Variants in MED16 observed in about 807,000 individuals in gnomAD.
MED16 encodes mediator complex subunit 16, also known as mediator of RNA polymerase II transcription subunit 16.
MED16 carries 81 observed loss-of-function variants against 84.4 expected under a neutral mutation model. The observed-to-expected ratio is 0.96, with a 90% CI of 0.80 to 1.15. The LOEUF is 1.15. MED16 is among the 50% of genes most tolerant of loss of function. The probability of loss-of-function intolerance (pLI) is 0.00; values close to 1 mark genes in which losing one functional copy is unlikely to be tolerated. For synonymous variants in MED16, 897 were observed against 552.2 expected, an observed-to-expected ratio of 1.62 and a Z score of -8.76; for missense variants, 1,585 against 1,245.9, an observed-to-expected ratio of 1.27 and a Z score of -4.10.
rs141978012 is a variant in MED16 at position 871,991 on chromosome 19, G to A, written c.2033C>T (p.Ala678Val). 3.1e-6 allele frequency: 5 copies of A among 1,609,282 alleles called. No individual in the cohort carries two copies. Among genetic ancestry groups the A allele is most frequent in the Non-Finnish European group, 4.2e-6 (5 of 1,178,354 alleles). The change falls in exon 12 of 16, where the codon GCC becomes GTC. Residue 678 changes from alanine (A) to valine (V), a missense_variant. Transcript: ENST00000325464. ...LKPSCLPVYT[A>V]TSDTQDSMSL... ...CATGCTGTCCTGGGTATCCGAGGTGGCCGTATACACGGGCAGGCAGCTGGG... is the reference window on the plus strand; with the variant it reads ...CATGCTGTCCTGGGTATCCGAGGTGACCGTATACACGGGCAGGCAGCTGGG...
chr19:891,160 G>A lies in MED16; in HGVS notation c.-18-11C>T, dbSNP rs754244204. Reference sequence around the variant, plus strand: ...GGCAGTCACCAGCTCCTGCGGGAGGGAGGTGTGGTGGGACGTCTATGTTGG... The same window carrying A: ...GGCAGTCACCAGCTCCTGCGGGAGGAAGGTGTGGTGGGACGTCTATGTTGG... On this transcript the variant is annotated splice_polypyrimidine_tract_variant and intron_variant, in intron 1 of 15. Transcript: ENST00000325464. 4.4e-6 allele frequency: 7 copies of A among 1,598,486 alleles called. No homozygotes were observed. The South Asian group carries it at 5.6e-5, about 13-fold the overall frequency.
rs759500855 is a variant in MED16, at chr19:875,452, G to A, written c.1563C>T (p.Val521=). ...TCATGGCCAGGATCCGGGTGGAGAG[G>A]ACCTGAGGGCAGGAAGCCAGGTCAC... ...YTRQTAALQQ[V]LSTRILAMKA... Residue 521 remains valine (V), a splice_region_variant and synonymous_variant, in exon 10 of 16, where the codon GTC becomes GTT. Transcript: ENST00000325464. 5.0e-6 allele frequency: 8 copies of A among 1,599,514 alleles called. No individual in the cohort carries two copies. The highest frequency in any genetic ancestry group is 1.7e-5 in the Admixed American group (1 of 59,848).
At chr19:868,663 C>T (rs1186202354) in intron 14 of MED16, among the ~76,000 whole-genome samples, 164 bp from the exon 15 acceptor site, 1 of 152,132 alleles carries the variant, frequency 6.6e-6, no homozygotes, top group South Asian at 2.1e-4. Context: ...TCTCCTCCCC[C>T]CAGCAATGCT....
chr19:868,712 C>G, intron 14 of MED16, 151 bp downstream of exon 14: 1 of 1,069,142 alleles, frequency 9.4e-7, no homozygotes, highest in Non-Finnish European at 1.3e-6. Flanking sequence ...GTTAACTGCT[C>G]CACATCCTGG....
rs369102326 is a variant in MED16 at position 868,206 on chromosome 19, AGCTCT to A, written c.2524_2528del (p.Arg842PhefsTer2). On this transcript the variant is annotated frameshift_variant, in exon 16 of 16. Transcript: ENST00000325464. LOFTEE classifies it low-confidence loss of function (END_TRUNC). ...GGACAAAGGCAGGGGCTTCCTCAGA[AGCTCT>A]GCTGGTCACGCAGGCGTCCGGCCCA... 482 of 1,605,326 alleles carry A rather than the reference AGCTCT, an allele frequency of 3.0e-4. No individual in the cohort carries two copies. The African/African-American group carries it at 5.4e-3, about 18-fold the overall frequency.
chr19:892,089 A>G (rs1050256000), intron 1 of MED16, among the ~76,000 whole-genome samples: 4 of 152,018 alleles, frequency 2.6e-5, no homozygotes, highest in African/African-American at 4.8e-5. Context: ...CACAGGGAAC[A>G]GAGGGGGCAC....
At chr19:880,176 T>A (rs776779745) in intron 7 of MED16, 28 bp from the exon 8 acceptor site, 4 of 1,589,718 alleles carry the variant, frequency 2.5e-6, no homozygotes, top group Admixed American at 3.5e-5. Context: ...TGCTTAGACA[T>A]GGGCAGGGCC....
rs2035952900 is a variant in MED16 at position 867,969 on chromosome 19, C to T, written c.*132G>A. Reference sequence around the variant, plus strand: ...GACGGCAGGGACGCGGGCCTGGGCGCAGAGGGCGTTTATTGGACCTGTCCT... The same window carrying T: ...GACGGCAGGGACGCGGGCCTGGGCGTAGAGGGCGTTTATTGGACCTGTCCT... On this transcript the variant is annotated 3_prime_UTR_variant, in exon 16 of 16. Transcript: ENST00000325464. The T allele has an allele frequency of 8.0e-7, 1 of 1,250,560 alleles. No individual in the cohort carries two copies. The highest frequency in any genetic ancestry group is 1.5e-5 in the South Asian group (1 of 64,880). The allele number at this position is 1,250,560 out of a possible 1,614,324, so 77.5% of individuals were successfully genotyped here.
At position 873,674 on chromosome 19, in the gene MED16, G is replaced by A. The variant is rs1256024700; in HGVS notation, c.1772-92C>T. The A allele has an allele frequency of 3.4e-6, 5 of 1,454,362 alleles. No individual in the cohort carries two copies. The Admixed American group carries it at 6.9e-5, about 20-fold the overall frequency. 90.1% of individuals were successfully genotyped at this position (1,454,362 alleles called of 1,614,324 possible). ...CTCGGTCCTTCGACCTGCACTGAGTGCCCACCCAGTACCAGGACACAAGGG... is the reference window on the plus strand; with the variant it reads ...CTCGGTCCTTCGACCTGCACTGAGTACCCACCCAGTACCAGGACACAAGGG... On this transcript the variant is annotated intron_variant, in intron 10 of 15. Transcript: ENST00000325464.
At chr19:880,242 G>GTGTGGA in intron 7 of MED16, 94 bp from the exon 8 acceptor site, 4 of 1,236,930 alleles carry the variant, frequency 3.2e-6, no homozygotes, top group Non-Finnish European at 4.3e-6. Flanking sequence ...GGAGAGCCGG[G>GTGTGGA]GCTGCCCATC....
Position 873,366 on chromosome 19 carries a change from G to GAGGGGC in MED16, c.1905+77_1905+82dup, listed in dbSNP as rs1325159433. 64 of 1,430,026 alleles carry GAGGGGC rather than the reference G, an allele frequency of 4.5e-5. 1 individual carries two copies. Among genetic ancestry groups the GAGGGGC allele is most frequent in the Admixed American group, 5.6e-5 (3 of 53,190 alleles). 88.6% of individuals were successfully genotyped at this position (1,430,026 alleles called of 1,614,324 possible). On this transcript the variant is annotated intron_variant, in intron 11 of 15. Coordinates refer to ENST00000325464, the MANE Select transcript of MED16 (RefSeq NM_005481.3). Reference sequence around the variant, plus strand: ...CTAGGGGCGGGGCTGAGGTGGTTTTGAGGGGCAGGGGCAGGGAAGCGGGGT... The same window carrying GAGGGGC: ...CTAGGGGCGGGGCTGAGGTGGTTTTGAGGGGCAGGGGCAGGGGCAGGGAAGCGGGGT...
intron 6 of MED16, among the ~76,000 whole-genome samples, chr19:883,725 A>C (rs4417648): frequency 1.3e-5 from 2 of 151,908 alleles, no homozygotes; most frequent in African/African-American, 4.8e-5. Context: ...AGACGTGCCC[A>C]GCGGGGGCAC....
In MED16 at chr19:868,478, G is replaced by A. The variant is rs1176884991; in HGVS notation, c.2421C>T (p.Leu807=). 14 of 1,610,866 alleles carry A rather than the reference G, an allele frequency of 8.7e-6. No individual in the cohort carries two copies. Among genetic ancestry groups the A allele is most frequent in the South Asian group, 3.3e-5 (3 of 91,078 alleles). Residue 807 remains leucine (L), a synonymous_variant, in exon 15 of 16, where the codon CTC becomes CTT. Transcript: ENST00000325464. ...CCGCCGTGGTTCTGTTGGGCGACTT[G>A]AGCATGGTGACACAGCCGCACCTGC... ...ACTRCGCVTM[L]KSPNRTTAVK...
chr19:878,240 A>G (rs1303113366), intron 8 of MED16, among the ~76,000 whole-genome samples: 6 of 45,496 alleles, frequency 1.3e-4, no homozygotes, highest in South Asian at 1.5e-3. Context: ...CACCAGCCCC[A>G]GCCCCAGCCC....
At position 881,714 on chromosome 19, in the gene MED16, A is replaced by C; in HGVS notation, c.986T>G (p.Val329Gly). The C allele has an allele frequency of 6.2e-7, 1 of 1,608,718 alleles. No homozygotes were observed. The highest frequency in any genetic ancestry group is 8.5e-7 in the Non-Finnish European group (1 of 1,176,698). Residue 329 changes from valine (V) to glycine (G), a missense_variant and splice_region_variant, in exon 7 of 16, where the codon GTT (valine) becomes GGT (glycine). Val to Gly is a moderately radical substitution (Grantham distance 109). Transcript: ENST00000325464. ...NNIFQQISPV[V>G]GDKQPTILKW... The stretch of plus-strand genomic sequence containing the variant: ...GAGAATTGTGGGCTGTTTGTCGCCA[A>C]CTGAAAAATCAGGGGCAGGAAAACA...
chr19:868,915 G>C lies in MED16; in HGVS notation c.2347C>G (p.Arg783Gly), dbSNP rs574080336. Residue 783 changes from arginine (R) to glycine (G), a missense_variant, in exon 14 of 16, where the codon CGG (arginine) becomes GGG (glycine). Physicochemically the swap from Arg to Gly is moderately radical, Grantham distance 125. Transcript: ENST00000325464. ...APGQPKIDHLRRLHLGACPTE... is the reference protein window; with the variant it reads ...APGQPKIDHLGRLHLGACPTE... The stretch of plus-strand genomic sequence containing the variant: ...GGGCAAGCGCCAAGGTGCAGCCTCC[G>C]CAGGTGGTCGATCTTGGGCTGGCCT... The C allele has an allele frequency of 1.3e-6, 2 of 1,550,296 alleles. No individual in the cohort carries two copies. Among genetic ancestry groups the C allele is most frequent in the Non-Finnish European group, 1.7e-6 (2 of 1,152,804 alleles).
chr19:875,375 T>C lies in MED16; in HGVS notation c.1640A>G (p.Tyr547Cys), dbSNP rs531324218. 12 of 1,609,494 alleles carry C rather than the reference T, an allele frequency of 7.5e-6. No individual in the cohort carries two copies. The highest frequency in any genetic ancestry group is 3.3e-5 in the Admixed American group (2 of 59,974). The change falls in exon 10 of 16, where the codon TAC becomes TGC. Residue 547 changes from tyrosine to cysteine, a missense_variant. Transcript: ENST00000325464. ...SPCTVTRVCD[Y>C]HTKLFLIAIS... is the part of the protein sequence containing the mutation. ...GGCGATGAGGAAGAGCTTGGTGTGGTAGTCGCACACGCGGGTCACCGTGCA... is the reference window on the plus strand; with the variant it reads ...GGCGATGAGGAAGAGCTTGGTGTGGCAGTCGCACACGCGGGTCACCGTGCA...
In MED16 at chr19:880,437, G is replaced by A. The variant is rs182595854; in HGVS notation, c.1142-289C>T. ...GCTGACACGCCCCTCAAGGAGCGCA[G>A]GGGAGGGGGGCACTACAGGTGGGGG... On this transcript the variant is annotated intron_variant, in intron 7 of 15. Transcript: ENST00000325464. 1.6e-4 allele frequency among the ~76,000 whole-genome samples: 25 copies of A among 152,346 alleles called. No individual in the cohort carries two copies. The East Asian group carries it at 4.2e-3, about 26-fold the overall frequency.
intron 13 of MED16, among the ~76,000 whole-genome samples, chr19:870,289 G>A (rs535178550): frequency 1.1e-4 from 17 of 152,254 alleles, no homozygotes; most frequent in East Asian, 1.9e-4. Context: ...AGGCCGGGGC[G>A]GTGGCTCACA....
Sources: gnomAD v4.1 joint callset for allele counts (sites outside exome capture counted in the v4.1 genomes callset) on GRCh38, gnomAD v4.1.1 for gene constraint, MANE v1.5 for transcripts, NCBI Gene and HGNC (gene_info 2026-07-23, HGNC 2026-07-21) for gene names.